SYT1: variants seen among roughly 807,000 people sequenced by gnomAD.
The protein encoded by SYT1 is synaptotagmin 1.
In SYT1, 8 loss-of-function variants were observed where a neutral mutation model predicts 44.8. The ratio of observed to expected loss-of-function variants is 0.18; its 90% CI spans 0.10 to 0.32. The LOEUF is 0.32. Ranked by LOEUF, SYT1 falls within the 10% of genes least tolerant of loss-of-function variation. The pLI, the probability that SYT1 is intolerant of heterozygous loss-of-function variation, is 1.00. For missense variants in SYT1, 286 were observed against 509.3 expected (o/e 0.56, Z 4.22); for synonymous variants, 154 against 188.8 (o/e 0.82, Z 1.51).
intron 1 of SYT1, among the ~76,000 whole-genome samples, chr12:78,929,460 A>G (rs1403049889): frequency 1.4e-5 from 2 of 145,194 alleles, no homozygotes; most frequent in East Asian, 2.0e-4. Flanking sequence ...TATTAGCAGC[A>G]ATTAGTTTTA....
chr12:79,133,216 A>T (rs1443816345), intron 3 of SYT1, among the ~76,000 whole-genome samples: 3 of 152,088 alleles, frequency 2.0e-5, no homozygotes, highest in Non-Finnish European at 4.4e-5. Context: ...TGTGTTGTAT[A>T]TTTCAAAATT....
intron 9 of SYT1, among the ~76,000 whole-genome samples, chr12:79,376,164 C>T (rs1883987137): frequency 6.6e-6 from 1 of 152,076 alleles, no homozygotes; most frequent in Non-Finnish European, 1.5e-5. Flanking sequence ...CAATCCAGAC[C>T]CCAAGAGAGG....
intron 9 of SYT1, among the ~76,000 whole-genome samples, chr12:79,418,219 G>T (rs1868877559): frequency 6.6e-6 from 1 of 152,140 alleles, no homozygotes; most frequent in Non-Finnish European, 1.5e-5. Flanking sequence ...ATTTGGTCCA[G>T]ATGTATAGGA....
rs550653455 is a variant in SYT1 at position 79,261,346 on chromosome 12, T to C, written c.167-24441T>C. ...GTCTACCTTCCTTCCTCCAATATTT[T>C]CAATCTCTCTGCCACACTATGTTTA... On this transcript the variant is annotated intron_variant, in intron 4 of 10. Coordinates refer to ENST00000261205, the MANE Select transcript of SYT1 (RefSeq NM_005639.3). Among the ~76,000 whole-genome samples, 7 of 152,302 alleles carry C rather than the reference T, an allele frequency of 4.6e-5. No homozygotes were observed. In the South Asian group the frequency reaches 1.2e-3, roughly 27 times the overall value.
intron 2 of SYT1, among the ~76,000 whole-genome samples, chr12:78,991,752 T>C (rs1188095768): frequency 2.0e-5 from 3 of 152,210 alleles, no homozygotes; most frequent in African/African-American, 7.2e-5. Context: ...AACAAGTTCT[T>C]CTAATCTTAT....
In SYT1 at chr12:78,894,330, G is replaced by GTT. The variant is rs566175647; in HGVS notation, c.-217+29255_-217+29256dup. On this transcript the variant is annotated intron_variant, in intron 1 of 10. Transcript: ENST00000261205. ...AATTTATGATTGTGTTTTTTAATCTGTTTTTTTTTTTTTTTTTTTTTTTTT... is the reference window on the plus strand; with the variant it reads ...AATTTATGATTGTGTTTTTTAATCTGTTTTTTTTTTTTTTTTTTTTTTTTTTT... 1.6e-3 allele frequency among the ~76,000 whole-genome samples: 44 copies of GTT among 27,730 alleles called. 12 individuals are homozygous for GTT. Among genetic ancestry groups the GTT allele is most frequent in the East Asian group, 3.5e-3 (2 of 564 alleles). The allele number at this position is 27,730 out of a possible 152,430, so 18.2% of individuals were successfully genotyped here.
chr12:79,262,472 G>A lies in SYT1; in HGVS notation c.167-23315G>A, dbSNP rs553823901. ...CTTTTTACAAGAAATATACAATTCTGCCCCTTGTCCAACTCTATAAATTAC... is the reference window on the plus strand; with the variant it reads ...CTTTTTACAAGAAATATACAATTCTACCCCTTGTCCAACTCTATAAATTAC... On this transcript the variant is annotated intron_variant, in intron 4 of 10. Transcript: ENST00000261205. Among the ~76,000 whole-genome samples, 79 of 151,980 alleles carry A rather than the reference G, an allele frequency of 5.2e-4. 1 individual carries two copies. The highest frequency in any genetic ancestry group is 1.1e-3 in the Non-Finnish European group (72 of 67,998).
At chr12:78,865,509 G>C (rs931949286) in intron 1 of SYT1, among the ~76,000 whole-genome samples, 1 of 151,872 alleles carries the variant, frequency 6.6e-6, no homozygotes, top group South Asian at 2.1e-4. Flanking sequence ...TTTCTTAGAG[G>C]AAAGAGGGGG....
At chr12:78,886,719 T>G (rs1344179186) in intron 1 of SYT1, among the ~76,000 whole-genome samples, 1 of 151,922 alleles carries the variant, frequency 6.6e-6, no homozygotes, top group Non-Finnish European at 1.5e-5. Flanking sequence ...TCAGGGAGAA[T>G]ATAAAGTAAA....
At chr12:79,345,417 GTA>G (rs576250338) in intron 8 of SYT1, among the ~76,000 whole-genome samples, 13 of 152,070 alleles carry the variant, frequency 8.5e-5, no homozygotes, top group Non-Finnish European at 1.6e-4. Flanking sequence ...ACTCATCTAG[GTA>G]TCCATAGAGC....
At chr12:79,093,259 T>A (rs1877899745) in intron 3 of SYT1, among the ~76,000 whole-genome samples, 2 of 151,728 alleles carry the variant, frequency 1.3e-5, no homozygotes, top group East Asian at 3.9e-4. Context: ...GAGAAGGTTG[T>A]TAAAAAATAA....
intron 2 of SYT1, among the ~76,000 whole-genome samples, chr12:79,009,308 G>T (rs1871279292): frequency 6.7e-6 from 1 of 150,092 alleles, no homozygotes; most frequent in African/African-American, 2.5e-5. Context: ...GTTTTTGTTT[G>T]TTTGTTTTGT....
intron 3 of SYT1, among the ~76,000 whole-genome samples, chr12:79,135,272 G>T (rs1869119194): frequency 1.0e-5 from 1 of 97,192 alleles, no homozygotes; most frequent in Non-Finnish European, 2.0e-5. Context: ...TCCCACAACA[G>T]TCCCCAGTGT....
chr12:79,148,367 T>C (rs1258714146), intron 3 of SYT1, among the ~76,000 whole-genome samples: 1 of 152,096 alleles, frequency 6.6e-6, no homozygotes, highest in Non-Finnish European at 1.5e-5. Context: ...AGTGATAATC[T>C]TTTTTTCCCG....
intron 9 of SYT1, among the ~76,000 whole-genome samples, chr12:79,429,763 T>C (rs1593060719): frequency 6.6e-6 from 1 of 152,304 alleles, no homozygotes; most frequent in Non-Finnish European, 1.5e-5. Context: ...TCTCCTGACC[T>C]CGTGGATTTT....
intron 3 of SYT1, among the ~76,000 whole-genome samples, chr12:79,106,541 T>A (rs548537538): frequency 1.3e-3 from 201 of 151,076 alleles, no homozygotes; most frequent in South Asian, 2.1e-3. Flanking sequence ...GATGTAAAAA[T>A]TCCTGAACTC....
intron 3 of SYT1, among the ~76,000 whole-genome samples, chr12:79,104,103 T>C (rs1292166413): frequency 2.0e-5 from 3 of 152,134 alleles, no homozygotes; most frequent in Admixed American, 2.0e-4. Flanking sequence ...ATTGCAATGT[T>C]ATATGATATG....
At chr12:79,445,990 C>CACAT (rs1351149858) in intron 10 of SYT1, among the ~76,000 whole-genome samples, 74 of 44,152 alleles carry the variant, frequency 1.7e-3, no homozygotes, top group Non-Finnish European at 2.5e-3. Flanking sequence ...AATCCAAAGA[C>CACAT]ATATATATAT....
intron 9 of SYT1, among the ~76,000 whole-genome samples, chr12:79,439,207 A>G (rs1273098691): frequency 2.0e-5 from 3 of 152,240 alleles, no homozygotes; most frequent in South Asian, 2.1e-4. Flanking sequence ...GATTTACACT[A>G]TCCTACAGCC....
Sources: allele counts gnomAD v4.1 joint callset (sites outside exome capture counted in the v4.1 genomes callset), GRCh38; gene constraint gnomAD v4.1.1; transcripts MANE v1.5; gene names NCBI Gene and HGNC (gene_info 2026-07-23, HGNC 2026-07-21).